MPP7: variants seen among roughly 807,000 people sequenced by gnomAD.
The protein encoded by MPP7 is MAGUK p55 scaffold protein 7.
In MPP7, 60 loss-of-function variants were observed where a neutral mutation model predicts 76.5. The observed-to-expected ratio is 0.78, with a 90% confidence interval of 0.64 to 0.97. The LOEUF is 0.97. Among genes scored for constraint, MPP7 ranks in the 50% least tolerant of loss-of-function variants. The probability of loss-of-function intolerance (pLI) is 0.00; values close to 1 mark genes in which losing one functional copy is unlikely to be tolerated. For synonymous variants in MPP7, 237 were observed against 244.5 expected (o/e 0.97, Z 0.29); for missense variants, 641 against 694.0 (o/e 0.92, Z 0.86).
intron 1 of MPP7, among the ~76,000 whole-genome samples, chr10:28,245,474 T>C (rs184478082): frequency 1.3e-5 from 2 of 152,114 alleles, no homozygotes. Context: ...TATAGGGAGA[T>C]AGCACAGCCT....
At chr10:28,177,846 G>T (rs1726738159) in intron 3 of MPP7, among the ~76,000 whole-genome samples, 1 of 152,126 alleles carries the variant, frequency 6.6e-6, no homozygotes, top group African/African-American at 2.4e-5. Flanking sequence ...GCGGATCAGG[G>T]ATGCCAGGCA....
chr10:28,133,101 T>A (rs1353793422), intron 5 of MPP7, among the ~76,000 whole-genome samples: 1 of 152,196 alleles, frequency 6.6e-6, no homozygotes, highest in Non-Finnish European at 1.5e-5. Context: ...ACTTTTTACA[T>A]AAAAAGCTGT....
chr10:28,075,630 T>C (rs927832808), intron 12 of MPP7, among the ~76,000 whole-genome samples: 4 of 152,156 alleles, frequency 2.6e-5, no homozygotes, highest in African/African-American at 7.2e-5. Context: ...TGGGTCTTCA[T>C]CACGTGCTAC....
At chr10:28,240,326 T>C (rs1423475633) in intron 1 of MPP7, among the ~76,000 whole-genome samples, 2 of 152,300 alleles carry the variant, frequency 1.3e-5, no homozygotes, top group East Asian at 3.9e-4. Flanking sequence ...AGAAATGAAC[T>C]TGCCAAATTT....
intron 2 of MPP7, among the ~76,000 whole-genome samples, chr10:28,208,610 A>G (rs1838024578): frequency 1.3e-5 from 2 of 152,200 alleles, no homozygotes; most frequent in African/African-American, 4.8e-5. Context: ...AAGAAAACAC[A>G]AGAATAAGGA....
chr10:28,233,540 C>T (rs1371791407), intron 2 of MPP7, among the ~76,000 whole-genome samples: 1 of 148,840 alleles, frequency 6.7e-6, no homozygotes, highest in African/African-American at 2.5e-5. Flanking sequence ...AACCCCGTCT[C>T]TATTAAAAAA....
chr10:28,304,304 T>C (rs1211010332), upstream of MPP7, among the ~76,000 whole-genome samples: 2 of 152,158 alleles, frequency 1.3e-5, no homozygotes, highest in Non-Finnish European at 2.9e-5. Context: ...TTCTTGTCAT[T>C]CTCGCAAAGT....
intron 2 of MPP7, among the ~76,000 whole-genome samples, chr10:28,324,131 G>A (rs1039150456): frequency 1.7e-4 from 26 of 152,110 alleles, no homozygotes; most frequent in African/African-American, 6.3e-4. Context: ...GATATTAGGA[G>A]GCAGGGTCTT....
intron 3 of MPP7, among the ~76,000 whole-genome samples, chr10:28,190,881 T>C (rs1837391145): frequency 6.6e-6 from 1 of 151,670 alleles, no homozygotes; most frequent in Admixed American, 6.6e-5. Context: ...TTAATAAAAT[T>C]GATAAATCTA....
At chr10:28,120,477 A>C (rs902884520) in intron 9 of MPP7, 87 bp from the exon 10 acceptor site, 1 of 1,486,682 alleles carries the variant, frequency 6.7e-7, no homozygotes, top group Non-Finnish European at 9.3e-7. Flanking sequence ...CTCCAAACAT[A>C]GTAATTTTAA....
At chr10:28,266,523 T>G (rs989791731) in intron 1 of MPP7, among the ~76,000 whole-genome samples, 1 of 152,020 alleles carries the variant, frequency 6.6e-6, no homozygotes, top group Non-Finnish European at 1.5e-5. Flanking sequence ...TGAGCTATGA[T>G]CATGCCACTG....
At chr10:28,261,042 A>C (rs999574859) in intron 1 of MPP7, among the ~76,000 whole-genome samples, 1 of 152,214 alleles carries the variant, frequency 6.6e-6, no homozygotes, top group African/African-American at 2.4e-5. Flanking sequence ...CCAGCAAATC[A>C]CAAAGCCAGA....
chr10:28,324,363 G>T (rs983615182), intron 2 of MPP7, among the ~76,000 whole-genome samples: 1 of 152,194 alleles, frequency 6.6e-6, no homozygotes, highest in Non-Finnish European at 1.5e-5. Flanking sequence ...TAATCTGGAA[G>T]CTACCCAGGC....
At chr10:28,139,220 T>C (rs1218326670) in intron 5 of MPP7, among the ~76,000 whole-genome samples, 5 of 152,186 alleles carry the variant, frequency 3.3e-5, no homozygotes, top group African/African-American at 9.7e-5. Flanking sequence ...GAGGTAATGA[T>C]TGGTCAGCTG....
Position 28,238,674 on chromosome 10 carries a change from T to A in MPP7, c.-70A>T. 2.6e-6 allele frequency: 4 copies of A among 1,533,322 alleles called. No homozygotes were observed. In the Admixed American group the frequency reaches 6.8e-5, roughly 26 times the overall value. The allele number at this position is 1,533,322 out of a possible 1,614,324, so 95.0% of individuals were successfully genotyped here. On this transcript the variant is annotated 5_prime_UTR_variant, in exon 2 of 17. Transcript: ENST00000683449. ...CCTGCCTTCGGACAGCCACAGGGAATTCCAATTCAACAGCCTGCAGCCACG... is the reference window on the plus strand; with the variant it reads ...CCTGCCTTCGGACAGCCACAGGGAAATCCAATTCAACAGCCTGCAGCCACG...
chr10:28,190,984 A>T (rs191550967), intron 3 of MPP7, among the ~76,000 whole-genome samples: 73 of 152,324 alleles, frequency 4.8e-4, no homozygotes, highest in Admixed American at 7.8e-4. Context: ...TAAAAGGACA[A>T]TAAAGAATTG....
chr10:28,141,643 C>T (rs78131314), intron 5 of MPP7, among the ~76,000 whole-genome samples: 9,928 of 152,042 alleles, frequency 0.065, 446 homozygotes, highest in Middle Eastern at 0.14. Context: ...GGCACACACG[C>T]GTACACATCA....
At chr10:28,159,239 G>C (rs945652969) in intron 3 of MPP7, among the ~76,000 whole-genome samples, 1 of 152,154 alleles carries the variant, frequency 6.6e-6, no homozygotes, top group African/African-American at 2.4e-5. Context: ...TTGTTGTCTA[G>C]AACAGTATAG....
chr10:28,191,406 G>A (rs1837408006), intron 3 of MPP7, among the ~76,000 whole-genome samples: 1 of 152,134 alleles, frequency 6.6e-6, no homozygotes, highest in Admixed American at 6.5e-5. Context: ...ATATTAATAA[G>A]TTGAACCCAG....
Sources: allele counts gnomAD v4.1 joint callset (sites outside exome capture counted in the v4.1 genomes callset), GRCh38; gene constraint gnomAD v4.1.1; transcripts MANE v1.5; gene names NCBI Gene and HGNC (gene_info 2026-07-23, HGNC 2026-07-21).